Variants in GLIS3 observed in about 807,000 individuals in gnomAD.
The protein encoded by GLIS3 is zinc finger protein GLIS3.
In GLIS3, 53 loss-of-function variants were observed where a neutral mutation model predicts 78.6. The observed-to-expected ratio is 0.67, with a 90% CI of 0.54 to 0.85. The LOEUF (loss-of-function observed/expected upper bound fraction) is 0.85, where lower values mean the gene tolerates loss of function less well. GLIS3 is among the 40% of genes least tolerant of loss of function. The pLI is 0.00. For missense variants in GLIS3, 1,703 were observed against 1,231.1 expected, an observed-to-expected ratio of 1.38 and a Z score of -5.74; for synonymous variants, 684 against 509.9, an observed-to-expected ratio of 1.34 and a Z score of -4.60.
intron 4 of GLIS3, among the ~76,000 whole-genome samples, chr9:4,076,405 G>T (rs375525971): frequency 6.6e-6 from 1 of 152,276 alleles, no homozygotes; most frequent in South Asian, 2.1e-4. Flanking sequence ...TACCTGTAGT[G>T]TTATCTCCTA....
At chr9:4,052,123 G>A (rs887221564) in intron 4 of GLIS3, among the ~76,000 whole-genome samples, 2 of 152,194 alleles carry the variant, frequency 1.3e-5, no homozygotes, top group African/African-American at 2.4e-5. Flanking sequence ...TTTAGGTTCA[G>A]TTATATTTTG....
At chr9:4,336,782 G>C (rs1393834677) in intron 2 of GLIS3, among the ~76,000 whole-genome samples, 1 of 152,156 alleles carries the variant, frequency 6.6e-6, no homozygotes. Flanking sequence ...TAGTTGGCAA[G>C]TTTTTATGAT....
At chr9:4,241,539 G>A (rs1028226195) in intron 2 of GLIS3, among the ~76,000 whole-genome samples, 1 of 151,884 alleles carries the variant, frequency 6.6e-6, no homozygotes, top group African/African-American at 2.4e-5. Context: ...AAACTATAAA[G>A]ATTCGATCTT....
At chr9:4,488,580 C>T in the GLIS3 span, among the ~76,000 whole-genome samples, 1 of 151,860 alleles carries the variant, frequency 6.6e-6, no homozygotes, top group Non-Finnish European at 1.5e-5. Flanking sequence ...AGTGCTGCAG[C>T]GTGATCTCGG....
intron 6 of GLIS3, 116 bp from the exon 7 acceptor site, chr9:3,898,951 C>A: frequency 1.6e-6 from 2 of 1,286,798 alleles, no homozygotes; most frequent in African/African-American, 1.5e-5. Flanking sequence ...TATCAAGCAG[C>A]AACTACGGGT....
At chr9:4,440,712 G>T in the GLIS3 span, among the ~76,000 whole-genome samples, 173 of 152,210 alleles carry the variant, frequency 1.1e-3, 1 homozygote, top group East Asian at 1.5e-3. Flanking sequence ...TTGGTATTTT[G>T]ACAGGGGTTG....
In GLIS3 at chr9:4,286,442, C is replaced by G; in HGVS notation, c.-17G>C. The stretch of plus-strand genomic sequence containing the variant: ...TCCATTCATTCTGAAAAACCTGTGG[C>G]CAAGACGGTCAAATATCCAATGTCA... On this transcript the variant is annotated 5_prime_UTR_variant, in exon 2 of 11. Coordinates refer to ENST00000381971, the MANE Select transcript of GLIS3 (RefSeq NM_001042413.2). The G allele has an allele frequency of 1.2e-6, 2 of 1,613,286 alleles. No homozygotes were observed. Among genetic ancestry groups the G allele is most frequent in the Non-Finnish European group, 8.5e-7 (1 of 1,180,018 alleles).
chr9:4,324,437 C>T (rs1011521724), intron 2 of GLIS3, among the ~76,000 whole-genome samples: 3 of 152,096 alleles, frequency 2.0e-5, no homozygotes, highest in African/African-American at 7.2e-5. Context: ...AGACACCTCA[C>T]GGGATTGTTT....
intron 6 of GLIS3, among the ~76,000 whole-genome samples, chr9:3,906,980 C>G (rs1416925895): frequency 6.6e-6 from 1 of 152,040 alleles, no homozygotes; most frequent in African/African-American, 2.4e-5. Flanking sequence ...CTGTTTATGA[C>G]TCACCTCCTG....
intron 2 of GLIS3, among the ~76,000 whole-genome samples, chr9:4,130,029 G>A (rs1173236408): frequency 6.6e-6 from 1 of 152,198 alleles, no homozygotes; most frequent in Non-Finnish European, 1.5e-5. Flanking sequence ...GAGGTTGTAG[G>A]CATTGTGCCC....
intron 2 of GLIS3, among the ~76,000 whole-genome samples, chr9:4,205,168 ACT>A (rs1245401912): frequency 1.1e-5 from 1 of 94,866 alleles, no homozygotes; most frequent in African/African-American, 4.4e-5. Flanking sequence ...ACAGAACGAG[ACT>A]CTGTCAAAAA....
intron 9 of GLIS3, among the ~76,000 whole-genome samples, chr9:3,835,373 A>C (rs1818286835): frequency 6.6e-6 from 1 of 152,160 alleles, no homozygotes; most frequent in Non-Finnish European, 1.5e-5. Flanking sequence ...CCCCCTCCAG[A>C]GTGTGACCTA....
chr9:3,894,430 C>G (rs1382278394), intron 7 of GLIS3, among the ~76,000 whole-genome samples: 1 of 152,102 alleles, frequency 6.6e-6, no homozygotes, highest in Non-Finnish European at 1.5e-5. Flanking sequence ...CAAGCTGTCC[C>G]ACGACAGCAA....
At chr9:3,859,514 A>C (rs1001431965) in intron 8 of GLIS3, among the ~76,000 whole-genome samples, 9 of 152,216 alleles carry the variant, frequency 5.9e-5, no homozygotes, top group Non-Finnish European at 1.2e-4. Flanking sequence ...AAAACATTGT[A>C]ATGCCGAGGA....
In GLIS3 at chr9:3,828,315, T is replaced by C; in HGVS notation, c.2750A>G (p.Asp917Gly). The C allele has an allele frequency of 1.9e-6, 3 of 1,613,490 alleles. No homozygotes were observed. Among genetic ancestry groups the C allele is most frequent in the African/African-American group, 2.7e-5 (2 of 75,024 alleles). ...AGAGGAGAGCTGGCTAGGACAGCGG[T>C]CCACGGTGCTGATCTGCAAGAAGGT... ...DATFLQISTVDRCPSQLSSVY... is the reference protein window; with the variant it reads ...DATFLQISTVGRCPSQLSSVY... Residue 917 changes from aspartate (D) to glycine (G), a missense_variant, in exon 11 of 11, where the codon GAC (aspartate) becomes GGC (glycine). Asp to Gly is a moderately conservative substitution (Grantham distance 94, BLOSUM62 -1). Coordinates refer to ENST00000381971, the MANE Select transcript of GLIS3 (RefSeq NM_001042413.2).
upstream of GLIS3, among the ~76,000 whole-genome samples, chr9:4,349,431 T>C (rs545256846): frequency 1.3e-5 from 2 of 152,186 alleles, no homozygotes; most frequent in Admixed American, 6.5e-5. Flanking sequence ...GGCATGCACA[T>C]TGCATACAAT....
the GLIS3 span, among the ~76,000 whole-genome samples, chr9:4,483,668 C>T: frequency 1.3e-5 from 2 of 148,756 alleles, no homozygotes; most frequent in South Asian, 2.1e-4. Flanking sequence ...TGCAGTGAGC[C>T]GATATCATGC....
chr9:4,037,121 T>TC (rs772382681), intron 4 of GLIS3, among the ~76,000 whole-genome samples: 3 of 152,188 alleles, frequency 2.0e-5, no homozygotes, highest in African/African-American at 4.8e-5. Flanking sequence ...AGCTTTACCT[T>TC]CCTTACTGAA....
chr9:4,305,446 C>T (rs1400401072), intron 4 of GLIS3: 6 of 152,216 alleles, frequency 3.9e-5, no homozygotes, highest in Non-Finnish European at 8.8e-5. Context: ...AGGGGCATCC[C>T]CTATTGATAA....
Sources: allele counts gnomAD v4.1 joint callset (sites outside exome capture counted in the v4.1 genomes callset), GRCh38; gene constraint gnomAD v4.1.1; transcripts MANE v1.5; gene names NCBI Gene and HGNC (gene_info 2026-07-23, HGNC 2026-07-21).